The following SFSWAP variants were observed in gnomAD, a reference collection of about 807,000 sequenced individuals.
SFSWAP encodes the protein splicing factor SWAP.
A neutral mutation model predicts 100.7 loss-of-function variants in SFSWAP; 17 were observed. The observed-to-expected ratio is 0.17, with a 90% confidence interval of 0.12 to 0.25. SFSWAP has a LOEUF of 0.25. SFSWAP is among the 10% of genes least tolerant of loss of function. The probability of loss-of-function intolerance (pLI) is 1.00; values close to 1 mark genes in which losing one functional copy is unlikely to be tolerated. For synonymous variants in SFSWAP, 504 were observed against 510.1 expected (o/e 0.99, Z 0.16); for missense variants, 1,005 against 1,262.6 (o/e 0.80, Z 3.09).
chr12:131,730,243 G>C lies in SFSWAP; in HGVS notation c.1081+1815G>C, dbSNP rs1017418635. 2.0e-5 allele frequency among the ~76,000 whole-genome samples: 3 copies of C among 152,228 alleles called. No homozygotes were observed. Among genetic ancestry groups the C allele is most frequent in the Non-Finnish European group, 4.4e-5 (3 of 68,042 alleles). On this transcript the variant is annotated intron_variant, in intron 7 of 17. Transcript: ENST00000261674. This position sits in a 1 kb window ranked among gnomAD's most constrained non-coding sequence, Gnocchi z 4.0. ...AGCTCCCGCCCTGGAGTCATGGGGCGCTGTGCTCTGCCCAGGATGCCTGCC... is the reference window on the plus strand; with the variant it reads ...AGCTCCCGCCCTGGAGTCATGGGGCCCTGTGCTCTGCCCAGGATGCCTGCC...
chr12:131,764,643 G>A lies in SFSWAP; in HGVS notation c.1908G>A (p.Glu636=). 1 of 1,614,118 alleles carries A rather than the reference G, an allele frequency of 6.2e-7. No individual in the cohort carries two copies. Among genetic ancestry groups the A allele is most frequent in the Non-Finnish European group, 8.5e-7 (1 of 1,179,954 alleles). ...AVAPPCVVVE[E]KKPQLTQEEL... ...CCCCACCCTGTGTAGTTGTTGAGGAGAAGAAGCCTCAACTTACCCAGGAGG... is the reference window on the plus strand; with the variant it reads ...CCCCACCCTGTGTAGTTGTTGAGGAAAAGAAGCCTCAACTTACCCAGGAGG... The change falls in exon 12 of 18, where the codon GAG becomes GAA. Residue 636 remains glutamate (E), a synonymous_variant. Coordinates refer to ENST00000261674, the MANE Select transcript of SFSWAP (RefSeq NM_004592.4).
rs770244113 is a variant in SFSWAP at position 131,797,285 on chromosome 12, C to T, written c.2642C>T (p.Ala881Val). The T allele has an allele frequency of 2.5e-6, 4 of 1,610,910 alleles. No homozygotes were observed. The highest frequency in any genetic ancestry group is 1.7e-5 in the Admixed American group (1 of 59,910). The change falls in exon 16 of 18, where the codon GCC becomes GTC. Residue 881 changes from alanine (A) to valine (V), a missense_variant. Ala to Val is a moderately conservative substitution (Grantham distance 64). Coordinates refer to ENST00000261674, the MANE Select transcript of SFSWAP (RefSeq NM_004592.4). Reference protein sequence around the residue: ...PSKQAAPRPAAPAAHSAHSAS... With the variant: ...PSKQAAPRPAVPAAHSAHSAS... ...AAGCAGGCAGCGCCCCGGCCCGCGG[C>T]CCCCGCGGCCCACTCGGCGCACTCA...
intron 7 of SFSWAP, among the ~76,000 whole-genome samples, chr12:131,745,946 A>G (rs976398229): frequency 6.6e-6 from 1 of 152,192 alleles, no homozygotes; most frequent in Non-Finnish European, 1.5e-5. Context: ...CAGCCCTGCT[A>G]GGGTAAATCT....
At chr12:131,716,862 T>C (rs1199491862) in intron 3 of SFSWAP, among the ~76,000 whole-genome samples, 2 of 152,222 alleles carry the variant, frequency 1.3e-5, no homozygotes, top group Admixed American at 6.5e-5. Flanking sequence ...CAGTTTGTTA[T>C]AATTATTGAA....
chr12:131,729,793 A>C (rs1489248356), intron 7 of SFSWAP, among the ~76,000 whole-genome samples: 2 of 152,154 alleles, frequency 1.3e-5, no homozygotes, highest in Admixed American at 1.3e-4. Flanking sequence ...TCCATTTGTA[A>C]AGCTTATCTC....
Position 131,794,669 on chromosome 12 carries a change from G to T in SFSWAP, c.2535-2509G>T, listed in dbSNP as rs1400057013. Among the ~76,000 whole-genome samples, 1 of 152,240 alleles carries T rather than the reference G, an allele frequency of 6.6e-6. No individual in the cohort carries two copies. The highest frequency in any genetic ancestry group is 1.5e-5 in the Non-Finnish European group (1 of 68,042). On this transcript the variant is annotated intron_variant, in intron 15 of 17. Coordinates refer to ENST00000261674, the MANE Select transcript of SFSWAP (RefSeq NM_004592.4). This position sits in a 1 kb window ranked among gnomAD's most constrained non-coding sequence, Gnocchi z 4.8. ...ACGCTGAGGGTGGAGAAGGGGTATA[G>T]ACGGACTTGAAGTGGCATTGAGGAG...
intron 7 of SFSWAP, among the ~76,000 whole-genome samples, chr12:131,736,696 C>T (rs993079464): frequency 6.6e-6 from 1 of 152,058 alleles, no homozygotes; most frequent in African/African-American, 2.4e-5. Flanking sequence ...CACTCATAGG[C>T]ATACAGAACA....
Position 131,734,809 on chromosome 12 carries a change from A to G in SFSWAP, c.1081+6381A>G, listed in dbSNP as rs745807217. 1.1e-4 allele frequency among the ~76,000 whole-genome samples: 16 copies of G among 151,782 alleles called. No homozygotes were observed. The highest frequency in any genetic ancestry group is 3.9e-4 in the East Asian group (2 of 5,166). On this transcript the variant is annotated intron_variant, in intron 7 of 17. Coordinates refer to ENST00000261674, the MANE Select transcript of SFSWAP (RefSeq NM_004592.4). The surrounding 1 kb of genome is among the most constrained non-coding windows in gnomAD (Gnocchi z 4.9). Reference sequence around the variant, plus strand: ...GAGCTCTCCCTGCGTGCGCACGTCTACGTACGCTCGTGTATGCTGAGGAGC... The same window carrying G: ...GAGCTCTCCCTGCGTGCGCACGTCTGCGTACGCTCGTGTATGCTGAGGAGC...
intron 7 of SFSWAP, among the ~76,000 whole-genome samples, chr12:131,750,136 T>G (rs1013418265): frequency 2.6e-5 from 4 of 152,176 alleles, no homozygotes; most frequent in Non-Finnish European, 4.4e-5. Flanking sequence ...GGCCACAGTG[T>G]CTGGGGAAGG....
In SFSWAP at chr12:131,755,473, C is replaced by T; in HGVS notation, c.1542C>T (p.Ser514=). The change falls in exon 10 of 18, where the codon AGC becomes AGT. Residue 514 remains serine (S), a synonymous_variant. Transcript: ENST00000261674. ...TCCTCCAGAAAGAAGGGGGCGATAG[C>T]ATGCAGGTACGTGTCTGAATGCAGG... ...QFFLQKEGGD[S]MQAVSAPEEA... 1 of 1,610,812 alleles carries T rather than the reference C, an allele frequency of 6.2e-7. No individual in the cohort carries two copies. The highest frequency in any genetic ancestry group is 1.1e-5 in the South Asian group (1 of 91,000).
At position 131,711,616 on chromosome 12, in the gene SFSWAP, G is replaced by A. The variant is rs543435004; in HGVS notation, c.218+169G>A. 6.4e-6 allele frequency: 4 copies of A among 622,898 alleles called. No homozygotes were observed. Among genetic ancestry groups the A allele is most frequent in the Admixed American group, 2.9e-5 (1 of 34,754 alleles). The allele number at this position is 622,898 out of a possible 1,614,324, so 38.6% of individuals were successfully genotyped here. On this transcript the variant is annotated intron_variant, in intron 1 of 17. Coordinates refer to ENST00000261674, the MANE Select transcript of SFSWAP (RefSeq NM_004592.4). This position sits in a 1 kb window ranked among gnomAD's most constrained non-coding sequence, Gnocchi z 4.9. ...CTCCTGGTGTTCTGGTGGGGAGGGG[G>A]ACGGTGAAACCTGCCCTAAGGCACT...
chr12:131,725,755 C>T lies in SFSWAP; in HGVS notation c.832+125C>T, dbSNP rs1237195517. On this transcript the variant is annotated intron_variant, in intron 5 of 17. Transcript: ENST00000261674. The surrounding 1 kb of genome is among the most constrained non-coding windows in gnomAD (Gnocchi z 4.3). ...CAGATGCATGGTTGAAAGCCAGACTCGAATTTCTAGAATGTGTCTGAAATC... is the reference window on the plus strand; with the variant it reads ...CAGATGCATGGTTGAAAGCCAGACTTGAATTTCTAGAATGTGTCTGAAATC... 9 of 706,640 alleles carry T rather than the reference C, an allele frequency of 1.3e-5. No homozygotes were observed. Among genetic ancestry groups the T allele is most frequent in the Admixed American group, 6.9e-5 (3 of 43,328 alleles). The allele number at this position is 706,640 out of a possible 1,614,324, so 43.8% of individuals were successfully genotyped here.
At chr12:131,726,588 A>C (rs144963226) in intron 5 of SFSWAP, among the ~76,000 whole-genome samples, 39 of 152,324 alleles carry the variant, frequency 2.6e-4, no homozygotes, top group Non-Finnish European at 8.8e-5. Context: ...TCTCATCTTC[A>C]GTTTTGTTGT....
chr12:131,776,921 G>A (rs573842816), intron 13 of SFSWAP, among the ~76,000 whole-genome samples: 6 of 152,364 alleles, frequency 3.9e-5, no homozygotes, highest in African/African-American at 9.6e-5. Context: ...GTTCCGATGC[G>A]CTGTGGTGGA....
intron 4 of SFSWAP, chr12:131,723,251 T>C (rs935809671): frequency 1.3e-5 from 2 of 152,230 alleles, no homozygotes; most frequent in African/African-American, 4.8e-5. Context: ...TTGTTCAGAT[T>C]CGTAAGGACT....
In SFSWAP at chr12:131,711,809, G is replaced by T; in HGVS notation, c.218+362G>T. 1 of 247,452 alleles carries T rather than the reference G, an allele frequency of 4.0e-6. No homozygotes were observed. Among genetic ancestry groups the T allele is most frequent in the Non-Finnish European group, 8.1e-6 (1 of 124,186 alleles). 15.3% of individuals were successfully genotyped at this position (247,452 alleles called of 1,614,324 possible). On this transcript the variant is annotated intron_variant, in intron 1 of 17. Coordinates refer to ENST00000261674, the MANE Select transcript of SFSWAP (RefSeq NM_004592.4). The surrounding 1 kb of genome is among the most constrained non-coding windows in gnomAD (Gnocchi z 4.9). ...GCACCTGGGCCTGCCGCCCGGCGAT[G>T]CCATGGGGTCGTGCGCTGCTTTTCT...
intron 7 of SFSWAP, among the ~76,000 whole-genome samples, chr12:131,749,952 A>G (rs1448779918): frequency 6.6e-6 from 1 of 152,202 alleles, no homozygotes; most frequent in Non-Finnish European, 1.5e-5. Flanking sequence ...GGCACTGGAG[A>G]TAAGCTGAAT....
At chr12:131,793,571 A>G (rs1020463208) in intron 15 of SFSWAP, among the ~76,000 whole-genome samples, 4 of 152,176 alleles carry the variant, frequency 2.6e-5, no homozygotes, top group African/African-American at 9.7e-5. Flanking sequence ...AGATTCCTTA[A>G]GATGTAGAAA....
chr12:131,774,129 C>G (rs375391877), intron 13 of SFSWAP, among the ~76,000 whole-genome samples: 5 of 152,148 alleles, frequency 3.3e-5, no homozygotes, highest in Non-Finnish European at 7.4e-5. Context: ...CTGCGGGGCA[C>G]GGGGCGCTGG....
Sources: gnomAD v4.1 joint callset for allele counts (sites outside exome capture counted in the v4.1 genomes callset) on GRCh38, gnomAD v4.1.1 for gene constraint, Gnocchi (gnomAD v3.1) non-coding constraint, MANE v1.5 for transcripts, NCBI Gene and HGNC (gene_info 2026-07-23, HGNC 2026-07-21) for gene names.